Variants in LYPD6 observed in about 807,000 individuals in gnomAD.
LYPD6 encodes the protein LY6/PLAUR domain containing 6, also known as ly6/PLAUR domain-containing protein 6.
LYPD6 carries 15 observed loss-of-function variants against 22.7 expected under a neutral mutation model. That is an observed-to-expected ratio of 0.66 (90% confidence interval 0.44 to 1.02). LYPD6 has a LOEUF of 1.02. Ranked by LOEUF, LYPD6 falls within the 50% of genes least tolerant of loss-of-function variation. The pLI is 0.00. For missense variants in LYPD6, 189 were observed against 208.4 expected, an observed-to-expected ratio of 0.91 and a Z score of 0.57; for synonymous variants, 72 against 77.5, an observed-to-expected ratio of 0.93 and a Z score of 0.37.
chr2:149,355,228 C>G (rs142562551), intron 1 of LYPD6, among the ~76,000 whole-genome samples: 1 of 152,046 alleles, frequency 6.6e-6, no homozygotes, highest in Non-Finnish European at 1.5e-5. Context: ...TTTCTAAATA[C>G]CAAAACTTGC....
chr2:149,429,414 A>G (rs920077739), intron 1 of LYPD6, among the ~76,000 whole-genome samples: 3 of 152,180 alleles, frequency 2.0e-5, no homozygotes, highest in African/African-American at 7.2e-5. Flanking sequence ...CCATGTCTAA[A>G]CTGGATGGTT....
chr2:149,483,943 C>T, the LYPD6 span, among the ~76,000 whole-genome samples: 1 of 152,126 alleles, frequency 6.6e-6, no homozygotes, highest in Non-Finnish European at 1.5e-5. Context: ...AGCTTGGGAT[C>T]AGCAGGCTAG....
chr2:149,365,523 G>A (rs1196707), intron 1 of LYPD6, among the ~76,000 whole-genome samples: 57,827 of 151,704 alleles, frequency 0.38, 12,015 homozygotes, highest in East Asian at 0.85. Context: ...TTGTTATTAA[G>A]GATTTTTTTT....
rs940808714 is a variant in LYPD6, at chr2:149,473,271, C to T, written c.*2421C>T. 6.6e-6 allele frequency: 1 copy of T among 152,614 alleles called. No individual in the cohort carries two copies. The highest frequency in any genetic ancestry group is 1.5e-5 in the Non-Finnish European group (1 of 68,052). 9.5% of individuals were successfully genotyped at this position (152,614 alleles called of 1,614,324 possible). On this transcript the variant is annotated 3_prime_UTR_variant, in exon 5 of 5. Transcript: ENST00000334166. ...ACCACCCAGGGAGTGCTTGCAGACT[C>T]TGCATAGATGTTGCTGCATGTGTCC...
At chr2:149,378,967 AG>A (rs1681999263) in intron 1 of LYPD6, among the ~76,000 whole-genome samples, 1 of 152,242 alleles carries the variant, frequency 6.6e-6, no homozygotes, top group South Asian at 2.1e-4. Context: ...GACATTTAAC[AG>A]AGAGATTATA....
At chr2:149,454,382 C>T (rs1310748091) in intron 3 of LYPD6, among the ~76,000 whole-genome samples, 1 of 152,142 alleles carries the variant, frequency 6.6e-6, no homozygotes, top group Non-Finnish European at 1.5e-5. Flanking sequence ...AGAATGTACT[C>T]CTTGCTTTCA....
chr2:149,468,785 A>G lies in LYPD6; in HGVS notation c.348+10A>G, dbSNP rs1274676482. ...GCATGAAGGCCACAAGGTCTGGGCA[A>G]CAGAGCAAGTGACCAGTACTACATA... On this transcript the variant is annotated intron_variant, in intron 4 of 4. Transcript: ENST00000334166. The G allele has an allele frequency of 6.2e-7, 1 of 1,612,912 alleles. No homozygotes were observed. Among genetic ancestry groups the G allele is most frequent in the African/African-American group, 1.3e-5 (1 of 74,886 alleles).
At chr2:149,380,100 A>G (rs1682025653) in intron 1 of LYPD6, among the ~76,000 whole-genome samples, 1 of 152,116 alleles carries the variant, frequency 6.6e-6, no homozygotes, top group Non-Finnish European at 1.5e-5. Context: ...TGACAGAGGA[A>G]AGAGCACATG....
chr2:149,462,053 A>C (rs1376798091), intron 3 of LYPD6, among the ~76,000 whole-genome samples: 1 of 152,030 alleles, frequency 6.6e-6, no homozygotes, highest in Non-Finnish European at 1.5e-5. Flanking sequence ...ATGTGCAATA[A>C]GACAAGAAAA....
At chr2:149,442,520 C>T (rs563183216) in intron 2 of LYPD6, among the ~76,000 whole-genome samples, 23 of 151,966 alleles carry the variant, frequency 1.5e-4, no homozygotes, top group African/African-American at 5.5e-4. Flanking sequence ...ACTCTGTGAT[C>T]AAGAGCCAAA....
chr2:149,335,081 T>C (rs905329632), intron 1 of LYPD6, among the ~76,000 whole-genome samples: 5 of 152,212 alleles, frequency 3.3e-5, no homozygotes, highest in South Asian at 2.1e-4. Context: ...ATGTTACTGA[T>C]TTATGTATTT....
At chr2:149,439,343 G>A (rs1236436095) in intron 2 of LYPD6, among the ~76,000 whole-genome samples, 1 of 152,166 alleles carries the variant, frequency 6.6e-6, no homozygotes, top group East Asian at 1.9e-4. Flanking sequence ...TAATATGCAT[G>A]AAGAGAAGGT....
At chr2:149,442,939 A>G (rs1683601352) in intron 2 of LYPD6, among the ~76,000 whole-genome samples, 1 of 152,220 alleles carries the variant, frequency 6.6e-6, no homozygotes, top group Non-Finnish European at 1.5e-5. Flanking sequence ...ATGGAGCTGT[A>G]GATTCTAAAA....
At chr2:149,380,632 T>G (rs891934060) in intron 1 of LYPD6, among the ~76,000 whole-genome samples, 3 of 152,168 alleles carry the variant, frequency 2.0e-5, no homozygotes, top group Non-Finnish European at 4.4e-5. Context: ...ATTGAAAGTT[T>G]TATAAGGGCA....
intron 1 of LYPD6, among the ~76,000 whole-genome samples, chr2:149,353,910 A>AGG (rs1218332174): frequency 1.3e-5 from 2 of 152,188 alleles, no homozygotes; most frequent in African/African-American, 4.8e-5. Flanking sequence ...CTTGTTAATG[A>AGG]GGAGCCACAA....
At chr2:149,444,370 TG>T (rs1683634573) in intron 2 of LYPD6, among the ~76,000 whole-genome samples, 1 of 152,186 alleles carries the variant, frequency 6.6e-6, no homozygotes, top group Non-Finnish European at 1.5e-5. Context: ...ATCAGGGTGA[TG>T]GTTGCTGAAG....
At chr2:149,375,627 A>G (rs1681901173) in intron 1 of LYPD6, among the ~76,000 whole-genome samples, 1 of 152,144 alleles carries the variant, frequency 6.6e-6, no homozygotes, top group Non-Finnish European at 1.5e-5. Context: ...TTCTCTGTTT[A>G]TTCTACCATG....
chr2:149,474,878 C>T (rs970005020), downstream of LYPD6, among the ~76,000 whole-genome samples: 1 of 152,124 alleles, frequency 6.6e-6, no homozygotes, highest in African/African-American at 2.4e-5. Context: ...AAGCAATTCT[C>T]CTGCCTCAGC....
At chr2:149,355,124 T>A (rs1032622250) in intron 1 of LYPD6, among the ~76,000 whole-genome samples, 5 of 152,216 alleles carry the variant, frequency 3.3e-5, no homozygotes, top group South Asian at 4.1e-4. Flanking sequence ...AAAGTTACAT[T>A]AAATGTTAGT....
Sources: allele counts gnomAD v4.1 joint callset (sites outside exome capture counted in the v4.1 genomes callset), GRCh38; gene constraint gnomAD v4.1.1; transcripts MANE v1.5; gene names NCBI Gene and HGNC (gene_info 2026-07-23, HGNC 2026-07-21).